OPHN1: variants seen among roughly 807,000 people sequenced by gnomAD.
OPHN1 encodes oligophrenin-1.
A neutral mutation model predicts 60.7 loss-of-function variants in OPHN1; 11 were observed. That is an observed-to-expected ratio of 0.18 (90% CI 0.11 to 0.30). The LOEUF (loss-of-function observed/expected upper bound fraction) is 0.30, where lower values mean the gene tolerates loss of function less well. Among genes scored for constraint, OPHN1 ranks in the 10% least tolerant of loss-of-function variants. The probability of loss-of-function intolerance (pLI) is 1.00; values close to 1 mark genes in which losing one functional copy is unlikely to be tolerated. For missense variants in OPHN1, 449 were observed against 611.0 expected (o/e 0.73, Z 2.80); for synonymous variants, 226 against 222.6 (o/e 1.02, Z -0.14).
At chrX:68,395,331 C>T (rs978189253) in intron 2 of OPHN1, among the ~76,000 whole-genome samples, 1 of 110,753 alleles carries the variant, frequency 9.0e-6, no homozygotes, top group Non-Finnish European at 1.9e-5. Context: ...TACAGTGGTG[C>T]AATCTTAACT....
At chrX:68,271,759 G>T (rs1240321839) in intron 5 of OPHN1, among the ~76,000 whole-genome samples, 1 of 111,049 alleles carries the variant, frequency 9.0e-6, no homozygotes, top group African/African-American at 3.3e-5. Flanking sequence ...AACCCCCTAG[G>T]GTGCAAGCTC....
intron 15 of OPHN1, among the ~76,000 whole-genome samples, chrX:68,141,169 G>A (rs2077240892): frequency 9.0e-6 from 1 of 111,605 alleles, no homozygotes; most frequent in African/African-American, 3.3e-5. Context: ...CACAAAGGGG[G>A]TAAAGGTCAA....
At chrX:68,243,377 T>C (rs1421821895) in intron 5 of OPHN1, among the ~76,000 whole-genome samples, 1 of 111,342 alleles carries the variant, frequency 9.0e-6, no homozygotes, top group Non-Finnish European at 1.9e-5. Flanking sequence ...CCAATGTTGT[T>C]ATATGTATTT....
At chrX:68,232,860 C>T (rs1389876424) in intron 6 of OPHN1, among the ~76,000 whole-genome samples, 3 of 110,099 alleles carry the variant, frequency 2.7e-5, no homozygotes, top group Non-Finnish European at 5.7e-5. Context: ...AGATCCCAGA[C>T]TCAATTCTAG....
At chrX:68,317,338 G>GGAAAGAAAGAAA (rs796692093) in intron 2 of OPHN1, among the ~76,000 whole-genome samples, 1,041 of 28,789 alleles carry the variant, frequency 0.036, 75 homozygotes, top group East Asian at 0.085. Context: ...AAGAAAGAGA[G>GGAAAGAAAGAAA]GAAAGAAAGA....
At chrX:68,416,061 TATATATAGAGAGAG>T (rs1324944457) in intron 2 of OPHN1, among the ~76,000 whole-genome samples, 109 of 6,259 alleles carry the variant, frequency 0.017, no homozygotes, top group African/African-American at 0.026. Flanking sequence ...TATATATATA[TATATATAGAGAGAG>T]AGAGAGAGAG....
intron 16 of OPHN1, among the ~76,000 whole-genome samples, chrX:68,118,575 C>T (rs1057485959): frequency 8.9e-6 from 1 of 111,732 alleles, no homozygotes; most frequent in African/African-American, 3.3e-5. Context: ...ATGATACATA[C>T]TATGAGACAT....
intron 14 of OPHN1, among the ~76,000 whole-genome samples, chrX:68,193,621 T>C (rs1273378964): frequency 8.9e-6 from 1 of 111,876 alleles, no homozygotes; most frequent in Non-Finnish European, 1.9e-5. Flanking sequence ...TCATTTAGGA[T>C]AGAACCATCA....
intron 2 of OPHN1, among the ~76,000 whole-genome samples, chrX:68,365,076 C>G (rs925782297): frequency 1.8e-5 from 2 of 111,743 alleles, no homozygotes; most frequent in Non-Finnish European, 3.8e-5. Flanking sequence ...TAGGCCTGTG[C>G]AATACAAAGA....
At chrX:68,066,812 T>A (rs1318260322) in intron 20 of OPHN1, among the ~76,000 whole-genome samples, 3 of 112,195 alleles carry the variant, frequency 2.7e-5, no homozygotes, top group African/African-American at 6.5e-5. Context: ...AATCTTGAAG[T>A]CTGCTTCCAG....
chrX:68,404,397 A>G (rs2078731027), intron 2 of OPHN1, among the ~76,000 whole-genome samples: 1 of 111,111 alleles, frequency 9.0e-6, no homozygotes, highest in Non-Finnish European at 1.9e-5. Flanking sequence ...TGACCTCATG[A>G]TCTGCCTGCC....
intron 18 of OPHN1, among the ~76,000 whole-genome samples, chrX:68,100,264 C>G (rs1202780999): frequency 1.8e-5 from 2 of 110,302 alleles, no homozygotes; most frequent in Non-Finnish European, 3.8e-5. Flanking sequence ...TACATACATA[C>G]ACGCACACAC....
intron 15 of OPHN1, among the ~76,000 whole-genome samples, chrX:68,188,624 T>C (rs1414769192): frequency 1.8e-5 from 2 of 112,052 alleles, no homozygotes; most frequent in African/African-American, 6.5e-5. Flanking sequence ...CATATACAGT[T>C]GCTTTAAAGA....
In OPHN1 at chrX:68,359,178, C is replaced by A. The variant is rs1381498254; in HGVS notation, c.155-60082G>T. On this transcript the variant is annotated intron_variant, in intron 2 of 24. Coordinates refer to ENST00000355520, the MANE Select transcript of OPHN1 (RefSeq NM_002547.3). ...GTATGATGAACTATTTTTCATACCT[C>A]TCAATATTTTTTACCCTCTCATATG... Among the ~76,000 whole-genome samples the A allele has an allele frequency of 9.8e-5, 11 of 111,765 alleles. No individual in the cohort carries two copies. The Admixed American group carries it at 1.1e-3, about 11-fold the overall frequency.
intron 2 of OPHN1, among the ~76,000 whole-genome samples, chrX:68,383,611 A>C (rs1380152484): frequency 9.5e-6 from 1 of 105,657 alleles, no homozygotes; most frequent in Non-Finnish European, 1.9e-5. Context: ...AAAAAAAAAA[A>C]AAAAAAAAAA....
rs377105009 is a variant in OPHN1 at position 68,200,915 on chromosome X, C to T, written c.1025+704G>A. Among the ~76,000 whole-genome samples, 7 of 111,917 alleles carry T rather than the reference C, an allele frequency of 6.3e-5. No individual in the cohort carries two copies. In the East Asian group the frequency reaches 2.0e-3, roughly 31 times the overall value. On this transcript the variant is annotated intron_variant, in intron 11 of 24. Coordinates refer to ENST00000355520, the MANE Select transcript of OPHN1 (RefSeq NM_002547.3). ...ATTTATTCTGTTTATTTTGGTACAA[C>T]CACCCAACTATAAAGCATGTCTTTC...
At chrX:68,239,547 C>T (rs1602263137) in intron 5 of OPHN1, among the ~76,000 whole-genome samples, 1 of 111,163 alleles carries the variant, frequency 9.0e-6, no homozygotes, top group Non-Finnish European at 1.9e-5. Flanking sequence ...GCCCCCCTCC[C>T]GTATCAATAT....
intron 19 of OPHN1, among the ~76,000 whole-genome samples, chrX:68,089,711 G>A (rs991529041): frequency 5.4e-5 from 6 of 111,662 alleles, no homozygotes; most frequent in Non-Finnish European, 1.1e-4. Flanking sequence ...GAACATTGGA[G>A]CAAACCTCAG....
intron 5 of OPHN1, among the ~76,000 whole-genome samples, chrX:68,258,247 T>C (rs2077874146): frequency 9.0e-6 from 1 of 110,723 alleles, no homozygotes; most frequent in African/African-American, 3.3e-5. Flanking sequence ...ATTATTCTTT[T>C]ATTTATTTAT....
Sources: allele counts gnomAD v4.1 joint callset (sites outside exome capture counted in the v4.1 genomes callset), GRCh38; gene constraint gnomAD v4.1.1; transcripts MANE v1.5; gene names NCBI Gene and HGNC (gene_info 2026-07-23, HGNC 2026-07-21).